Variants in MTMR1 observed in about 807,000 individuals in gnomAD.
The protein encoded by MTMR1 is myotubularin related protein 1.
A neutral mutation model predicts 51.6 loss-of-function variants in MTMR1; 17 were observed. The ratio of observed to expected loss-of-function variants is 0.33; its 90% confidence interval spans 0.23 to 0.49. MTMR1 has a LOEUF of 0.49. Among genes scored for constraint, MTMR1 ranks in the 20% least tolerant of loss-of-function variants. The pLI is 0.99. For missense variants in MTMR1, 386 were observed against 526.9 expected (o/e 0.73, Z 2.62); for synonymous variants, 201 against 205.6 (o/e 0.98, Z 0.19).
intron 10 of MTMR1, among the ~76,000 whole-genome samples, chrX:150,734,103 C>G (rs782255074): frequency 3.3e-4 from 37 of 112,213 alleles, no homozygotes; most frequent in Non-Finnish European, 7.0e-4. Context: ...GGGTGGCTGC[C>G]CCAGCCTTCC....
chrX:150,710,960 G>T lies in MTMR1; in HGVS notation c.253-1382G>T, dbSNP rs141296394. ...GAAGCAATTCTCAGAATTAAAAATAGATCTAGTTAAGTGTGGTTATTACTG... is the reference window on the plus strand; with the variant it reads ...GAAGCAATTCTCAGAATTAAAAATATATCTAGTTAAGTGTGGTTATTACTG... On this transcript the variant is annotated intron_variant, in intron 2 of 15. Transcript: ENST00000445323. 2.3e-3 allele frequency among the ~76,000 whole-genome samples: 254 copies of T among 112,439 alleles called. 3 individuals are homozygous for T. Among genetic ancestry groups the T allele is most frequent in the Middle Eastern group, 0.019 (4 of 215 alleles).
chrX:150,736,544 A>ATTC (rs782327116), intron 10 of MTMR1, 51 bp from the exon 11 acceptor site: 1 of 1,129,958 alleles, frequency 8.8e-7, no homozygotes, highest in Non-Finnish European at 1.2e-6. Flanking sequence ...ACTAGAAAGA[A>ATTC]TAGAAAAGTT....
intron 15 of MTMR1, among the ~76,000 whole-genome samples, chrX:150,759,088 GA>G (rs1239236467): frequency 1.8e-5 from 2 of 112,569 alleles, no homozygotes; most frequent in South Asian, 3.6e-4. Flanking sequence ...CCTGTCACTG[GA>G]GTCCAGGTCC....
chrX:150,708,041 A>G (rs1557416114), intron 2 of MTMR1, among the ~76,000 whole-genome samples: 2 of 112,394 alleles, frequency 1.8e-5, no homozygotes. Context: ...AAATAAAGAC[A>G]GATGAGTGGT....
intron 12 of MTMR1, among the ~76,000 whole-genome samples, chrX:150,743,604 A>T (rs1030234049): frequency 9.0e-6 from 1 of 111,443 alleles, no homozygotes; most frequent in Non-Finnish European, 1.9e-5. Context: ...ATTGCTTTGT[A>T]TTTTCTTAAT....
At chrX:150,754,117 A>G (rs2042834313) in intron 14 of MTMR1, among the ~76,000 whole-genome samples, 1 of 112,872 alleles carries the variant, frequency 8.9e-6, no homozygotes, top group Admixed American at 9.3e-5. Flanking sequence ...ACCTTGTTGA[A>G]GATCAGTTGA....
At chrX:150,748,760 G>A (rs938917151) in intron 13 of MTMR1, among the ~76,000 whole-genome samples, 1 of 110,898 alleles carries the variant, frequency 9.0e-6, no homozygotes, top group East Asian at 2.8e-4. Context: ...AGCCTGGGAC[G>A]TTGAGGCTGC....
intron 14 of MTMR1, among the ~76,000 whole-genome samples, chrX:150,752,956 TTC>T (rs1288721876): frequency 5.4e-5 from 6 of 110,804 alleles, no homozygotes; most frequent in African/African-American, 1.6e-4. Flanking sequence ...TTTATAAAAT[TTC>T]TGTCACCCCC....
chrX:150,727,330 T>C lies in MTMR1; in HGVS notation c.447+21T>C, dbSNP rs782372872. On this transcript the variant is annotated intron_variant, in intron 5 of 15. Coordinates refer to ENST00000445323, the MANE Select transcript of MTMR1 (RefSeq NM_001306144.3). ...AGAGGGTGAGTTTTTTAAAGTGTGT[T>C]TTATTTTAAAAGAAACACTTTTAAA... 27 of 1,138,210 alleles carry C rather than the reference T, an allele frequency of 2.4e-5. No individual in the cohort carries two copies. In the South Asian group the frequency reaches 4.9e-4, roughly 21 times the overall value. The allele number at this position is 1,138,210 out of a possible 1,213,427, so 93.8% of individuals were successfully genotyped here. A position where few individuals can be genotyped will look rare whatever the true frequency, so the allele number is the denominator to read the frequency against.
At chrX:150,698,670 A>G (rs2040773222) in intron 1 of MTMR1, among the ~76,000 whole-genome samples, 1 of 51,348 alleles carries the variant, frequency 1.9e-5, no homozygotes, top group Admixed American at 2.4e-4. Flanking sequence ...AACCCTGTCT[A>G]CACGCGCGCG....
intron 15 of MTMR1, among the ~76,000 whole-genome samples, chrX:150,760,415 G>A (rs913992747): frequency 9.0e-6 from 1 of 111,439 alleles, no homozygotes; most frequent in Non-Finnish European, 1.9e-5. Context: ...CCGAGAAAGG[G>A]GTTCTTTGGG....
At chrX:150,751,456 T>C (rs1331583551) in intron 14 of MTMR1, among the ~76,000 whole-genome samples, 1 of 111,592 alleles carries the variant, frequency 9.0e-6, no homozygotes, top group Non-Finnish European at 1.9e-5. Context: ...TAGGACAGTA[T>C]AGAATTCAGG....
chrX:150,752,624 G>GTT (rs782406235), intron 14 of MTMR1, among the ~76,000 whole-genome samples: 422 of 57,233 alleles, frequency 7.4e-3, no homozygotes, highest in East Asian at 0.017. Flanking sequence ...GCTTTATCTT[G>GTT]TTTTTTTTTT....
chrX:150,760,449 G>A (rs1323552291), intron 15 of MTMR1, among the ~76,000 whole-genome samples: 1 of 111,925 alleles, frequency 8.9e-6, no homozygotes, highest in African/African-American at 3.3e-5. Flanking sequence ...ATGGCTGGGT[G>A]TGGAAGGCCC....
rs944916413 is a variant in MTMR1, at chrX:150,730,022, A to T, written c.556-87A>T. On this transcript the variant is annotated intron_variant, in intron 6 of 15. Coordinates refer to ENST00000445323, the MANE Select transcript of MTMR1 (RefSeq NM_001306144.3). Reference sequence around the variant, plus strand: ...ATAAAAGGAGAAATGAATTAAAAAAAAATAATTTCCTTATTTATGGCACGG... The same window carrying T: ...ATAAAAGGAGAAATGAATTAAAAAATAATAATTTCCTTATTTATGGCACGG... 10 of 556,873 alleles carry T rather than the reference A, an allele frequency of 1.8e-5. No individual in the cohort carries two copies. In the Admixed American group the frequency reaches 2.7e-4, roughly 15 times the overall value. The allele number at this position is 556,873 out of a possible 1,213,427, so 45.9% of individuals were successfully genotyped here. A position where few individuals can be genotyped will look rare whatever the true frequency, so the allele number is the denominator to read the frequency against.
intron 3 of MTMR1, among the ~76,000 whole-genome samples, chrX:150,716,347 A>T (rs1445108722): frequency 1.3e-4 from 15 of 112,834 alleles, no homozygotes; most frequent in African/African-American, 4.8e-4. Flanking sequence ...CTAAGATTGG[A>T]GATCTTTTAG....
intron 2 of MTMR1, among the ~76,000 whole-genome samples, chrX:150,707,220 A>G (rs150905653): frequency 0.029 from 3,258 of 112,080 alleles, 42 homozygotes; most frequent in Middle Eastern, 0.047. Flanking sequence ...CACCAAAAGC[A>G]CAATCCATAA....
chrX:150,748,073 T>G (rs2042626326), intron 13 of MTMR1, among the ~76,000 whole-genome samples: 1 of 111,471 alleles, frequency 9.0e-6, no homozygotes, highest in Non-Finnish European at 1.9e-5. Flanking sequence ...CATTGTAACC[T>G]GACATCATGG....
chrX:150,694,410 C>T (rs2040599143), intron 1 of MTMR1, among the ~76,000 whole-genome samples: 1 of 111,678 alleles, frequency 9.0e-6, no homozygotes. Flanking sequence ...CCTCCTCCGA[C>T]GACAAGAGAT....
Sources: allele counts gnomAD v4.1 joint callset (sites outside exome capture counted in the v4.1 genomes callset), GRCh38; gene constraint gnomAD v4.1.1; transcripts MANE v1.5; gene names NCBI Gene and HGNC (gene_info 2026-07-23, HGNC 2026-07-21).